The following ROR2 variants were observed in gnomAD, a reference collection of about 807,000 sequenced individuals.
ROR2 encodes tyrosine-protein kinase transmembrane receptor ROR2.
Under a neutral mutation model 74.9 loss-of-function variants are expected in ROR2, and 33 were observed. The observed-to-expected ratio is 0.44, with a 90% CI of 0.33 to 0.59. The LOEUF (loss-of-function observed/expected upper bound fraction) is 0.59, where lower values mean the gene tolerates loss of function less well. Among genes scored for constraint, ROR2 ranks in the 20% least tolerant of loss-of-function variants. The probability of loss-of-function intolerance (pLI) is 0.02; values close to 1 mark genes in which losing one functional copy is unlikely to be tolerated. For synonymous variants in ROR2, 586 were observed against 558.7 expected (o/e 1.05, Z -0.69); for missense variants, 1,216 against 1,313.8 (o/e 0.93, Z 1.15).
At chr9:91,911,635 C>A (rs1784725175) in intron 1 of ROR2, among the ~76,000 whole-genome samples, 1 of 152,066 alleles carries the variant, frequency 6.6e-6, no homozygotes, top group Admixed American at 6.5e-5. Flanking sequence ...CCACACTAGA[C>A]AAAAGCTGAA....
At chr9:91,777,406 C>T (rs532814179) in intron 1 of ROR2, among the ~76,000 whole-genome samples, 1 of 150,316 alleles carries the variant, frequency 6.7e-6, no homozygotes, top group Admixed American at 6.6e-5. Context: ...CACACACACA[C>T]ACCCCATCAT....
chr9:91,791,516 T>C (rs1213716651), intron 1 of ROR2, among the ~76,000 whole-genome samples: 1 of 152,198 alleles, frequency 6.6e-6, no homozygotes, highest in Admixed American at 6.5e-5. Flanking sequence ...GGACATTTTA[T>C]ACTGCTAAGA....
chr9:91,845,610 G>A (rs1345206909), intron 1 of ROR2, among the ~76,000 whole-genome samples: 1 of 152,126 alleles, frequency 6.6e-6, no homozygotes, highest in African/African-American at 2.4e-5. Flanking sequence ...GGCTGGGCGC[G>A]GTTGCTCGCA....
chr9:91,866,151 G>A (rs370562751), intron 1 of ROR2, among the ~76,000 whole-genome samples: 2 of 151,972 alleles, frequency 1.3e-5, no homozygotes, highest in East Asian at 1.9e-4. Flanking sequence ...ATGGAGTCTC[G>A]CTCTGTCACC....
At chr9:91,922,644 A>G (rs1272824299) in intron 1 of ROR2, among the ~76,000 whole-genome samples, 1 of 152,066 alleles carries the variant, frequency 6.6e-6, no homozygotes, top group Admixed American at 6.6e-5. Context: ...TAGTAGAGAC[A>G]GGATTTCACC....
At chr9:91,930,646 A>G (rs999310532) in intron 1 of ROR2, among the ~76,000 whole-genome samples, 4 of 152,252 alleles carry the variant, frequency 2.6e-5, no homozygotes, top group African/African-American at 9.6e-5. Flanking sequence ...TGCAAAAGTG[A>G]GTTCATCATG....
At chr9:91,910,093 C>T (rs1830936891) in intron 1 of ROR2, among the ~76,000 whole-genome samples, 1 of 151,892 alleles carries the variant, frequency 6.6e-6, no homozygotes, top group Non-Finnish European at 1.5e-5. Context: ...AACTCCTGAC[C>T]TTGTGATCCG....
intron 2 of ROR2, among the ~76,000 whole-genome samples, chr9:91,773,375 G>C (rs1034355206): frequency 6.6e-6 from 1 of 152,022 alleles, no homozygotes; most frequent in Non-Finnish European, 1.5e-5. Flanking sequence ...GCTGCCGTGT[G>C]ATTTTTTCAC....
intron 1 of ROR2, among the ~76,000 whole-genome samples, chr9:91,910,821 G>A (rs979083807): frequency 2.0e-5 from 3 of 152,040 alleles, no homozygotes; most frequent in Non-Finnish European, 4.4e-5. Context: ...GTACCACCAT[G>A]CCCAGCTAAT....
chr9:91,807,797 G>T (rs1384949351), intron 1 of ROR2, among the ~76,000 whole-genome samples: 1 of 152,094 alleles, frequency 6.6e-6, no homozygotes, highest in Admixed American at 6.5e-5. Flanking sequence ...AAAAATACTT[G>T]AGAGTTTTTC....
chr9:91,895,615 G>A (rs1312290945), intron 1 of ROR2, among the ~76,000 whole-genome samples: 3 of 152,144 alleles, frequency 2.0e-5, no homozygotes, highest in African/African-American at 7.2e-5. Context: ...AGGCTGAGGC[G>A]GGCGGATCAC....
At position 91,799,443 on chromosome 9, in the gene ROR2, G is replaced by C. The variant is rs548840235; in HGVS notation, c.98-23625C>G. On this transcript the variant is annotated intron_variant, in intron 1 of 8. Transcript: ENST00000375708. ...CATTCTCCCTGCGGGCTCTCAGCAC[G>C]GAGGTGGCCAGCCTTAGAGTTGAAA... is the stretch of plus-strand genomic sequence containing the variant. 3.9e-5 allele frequency among the ~76,000 whole-genome samples: 6 copies of C among 152,260 alleles called. No homozygotes were observed. In the East Asian group the frequency reaches 9.7e-4, roughly 25 times the overall value.
rs1023044578 is a variant in ROR2, at chr9:91,723,506, G to C, written c.*156C>G. The C allele has an allele frequency of 8.4e-7, 1 of 1,194,112 alleles. No homozygotes were observed. The highest frequency in any genetic ancestry group is 1.5e-5 in the African/African-American group (1 of 65,666). The allele number at this position is 1,194,112 out of a possible 1,614,324, so 74.0% of individuals were successfully genotyped here. Reference sequence around the variant, plus strand: ...GGGCAGCTCTCTGTGTCAGAGGACAGAGAGGAGCAGGGCTCCACCTCACCC... The same window carrying C: ...GGGCAGCTCTCTGTGTCAGAGGACACAGAGGAGCAGGGCTCCACCTCACCC... On this transcript the variant is annotated 3_prime_UTR_variant, in exon 9 of 9. Transcript: ENST00000375708.
At chr9:91,746,284 C>T (rs1471447727) in intron 4 of ROR2, among the ~76,000 whole-genome samples, 3 of 152,078 alleles carry the variant, frequency 2.0e-5, no homozygotes, top group African/African-American at 4.8e-5. Context: ...ACCAAGTTGG[C>T]CCGGCTGGTT....
intron 2 of ROR2, among the ~76,000 whole-genome samples, chr9:91,759,069 C>G (rs1285596121): frequency 6.6e-6 from 1 of 152,212 alleles, no homozygotes; most frequent in Non-Finnish European, 1.5e-5. Context: ...TGGCCTTGAT[C>G]CTTTCTTTTC....
chr9:91,830,228 T>C (rs772032064), intron 1 of ROR2, among the ~76,000 whole-genome samples: 2 of 152,138 alleles, frequency 1.3e-5, no homozygotes, highest in Non-Finnish European at 2.9e-5. Context: ...AATTTGGCTG[T>C]GCAAGGCAGG....
chr9:91,887,630 G>T (rs1830319673), intron 1 of ROR2, among the ~76,000 whole-genome samples: 1 of 152,114 alleles, frequency 6.6e-6, no homozygotes, highest in South Asian at 2.1e-4. Flanking sequence ...TATCTGAGGG[G>T]TTCTCTGACC....
intron 8 of ROR2, 77 bp from the exon 9 acceptor site, chr9:91,725,184 A>C (rs1299479512): frequency 6.2e-7 from 1 of 1,602,196 alleles, no homozygotes; most frequent in Non-Finnish European, 8.5e-7. Context: ...AGCCGGGAGG[A>C]GTGGAGTCCC....
chr9:91,778,592 G>C (rs796929430), intron 1 of ROR2, among the ~76,000 whole-genome samples: 1 of 152,204 alleles, frequency 6.6e-6, no homozygotes, highest in African/African-American at 2.4e-5. Flanking sequence ...GAGATTCTGA[G>C]AGGAGATTCA....
Sources: allele counts gnomAD v4.1 joint callset (sites outside exome capture counted in the v4.1 genomes callset), GRCh38; gene constraint gnomAD v4.1.1; transcripts MANE v1.5; gene names NCBI Gene and HGNC (gene_info 2026-07-23, HGNC 2026-07-21).